ROR1: variants seen among roughly 807,000 people sequenced by gnomAD.
The protein encoded by ROR1 is ROR family WNT receptor 1.
In ROR1, 19 loss-of-function variants were observed where a neutral mutation model predicts 78.8. That is an observed-to-expected ratio of 0.24 (90% confidence interval 0.17 to 0.35). The LOEUF (loss-of-function observed/expected upper bound fraction) is 0.35, where lower values mean the gene tolerates loss of function less well. Among genes scored for constraint, ROR1 ranks in the 10% least tolerant of loss-of-function variants. The pLI is 1.00. For missense variants in ROR1, 917 were observed against 1,177.8 expected (o/e 0.78, Z 3.24); for synonymous variants, 386 against 433.6 (o/e 0.89, Z 1.36).
At chr1:63,801,364 G>A (rs1284597424) in intron 1 of ROR1, among the ~76,000 whole-genome samples, 4 of 151,862 alleles carry the variant, frequency 2.6e-5, no homozygotes, top group Non-Finnish European at 4.4e-5. Flanking sequence ...GCATGATCTC[G>A]GCTTACTGCA....
chr1:63,776,649 G>A (rs1343797091), intron 1 of ROR1, among the ~76,000 whole-genome samples: 4 of 152,202 alleles, frequency 2.6e-5, no homozygotes, highest in African/African-American at 9.6e-5. Context: ...GCCTGGTTTC[G>A]GGTCTGGTTC....
intron 1 of ROR1, among the ~76,000 whole-genome samples, chr1:63,849,299 G>A (rs1327729718): frequency 2.6e-5 from 4 of 152,224 alleles, no homozygotes; most frequent in Middle Eastern, 6.8e-3. Flanking sequence ...TTATTGATTT[G>A]TTCATTAATT....
chr1:63,857,669 T>G (rs1645157274), intron 1 of ROR1, among the ~76,000 whole-genome samples: 1 of 152,228 alleles, frequency 6.6e-6, no homozygotes, highest in African/African-American at 2.4e-5. Context: ...TCTTATCAAC[T>G]GGAGACAATT....
At chr1:64,117,512 T>G (rs912213448) in intron 4 of ROR1, among the ~76,000 whole-genome samples, 7 of 152,212 alleles carry the variant, frequency 4.6e-5, no homozygotes, top group African/African-American at 1.7e-4. Context: ...GTAAGAAGTT[T>G]GATCTGCCAG....
chr1:63,799,854 G>A (rs1259248587), intron 1 of ROR1, among the ~76,000 whole-genome samples: 3 of 152,180 alleles, frequency 2.0e-5, no homozygotes, highest in Non-Finnish European at 4.4e-5. Context: ...GAAAGCTCAA[G>A]TTTTTATGGC....
intron 1 of ROR1, among the ~76,000 whole-genome samples, chr1:63,865,050 C>T (rs973282851): frequency 1.3e-5 from 2 of 152,060 alleles, no homozygotes. Context: ...AACATAAAAA[C>T]GAAGTGTTAA....
intron 1 of ROR1, among the ~76,000 whole-genome samples, chr1:63,957,598 A>T (rs1423350801): frequency 6.6e-6 from 1 of 152,154 alleles, no homozygotes; most frequent in African/African-American, 2.4e-5. Context: ...CATGGGTTGC[A>T]TATCTTCAAA....
chr1:63,973,185 A>G (rs1184936742), intron 1 of ROR1, among the ~76,000 whole-genome samples: 1 of 152,138 alleles, frequency 6.6e-6, no homozygotes, highest in Non-Finnish European at 1.5e-5. Context: ...AGGGGTGGTG[A>G]CTGCCCTGTC....
intron 1 of ROR1, among the ~76,000 whole-genome samples, chr1:63,986,507 G>A (rs1053247656): frequency 8.5e-5 from 13 of 152,174 alleles, no homozygotes; most frequent in Non-Finnish European, 1.9e-4. Flanking sequence ...TTATGGGAAA[G>A]GAGGTTGTAA....
intron 4 of ROR1, among the ~76,000 whole-genome samples, chr1:64,075,758 G>C (rs1647046013): frequency 6.6e-6 from 1 of 152,144 alleles, no homozygotes; most frequent in Non-Finnish European, 1.5e-5. Context: ...ACATGTATAA[G>C]TAATGCTACA....
intron 2 of ROR1, among the ~76,000 whole-genome samples, chr1:64,037,191 G>T (rs1646709217): frequency 6.6e-6 from 1 of 152,202 alleles, no homozygotes; most frequent in Non-Finnish European, 1.5e-5. Flanking sequence ...CAGAGGTCCT[G>T]CCAGGTGCAA....
At chr1:63,953,871 G>A (rs1324514894) in intron 1 of ROR1, among the ~76,000 whole-genome samples, 1 of 152,216 alleles carries the variant, frequency 6.6e-6, no homozygotes, top group Non-Finnish European at 1.5e-5. Context: ...GTCTTCAGCA[G>A]AGAAAATGTG....
chr1:63,895,730 G>A (rs1428122418), intron 1 of ROR1, among the ~76,000 whole-genome samples: 2 of 152,096 alleles, frequency 1.3e-5, no homozygotes, highest in African/African-American at 4.8e-5. Flanking sequence ...CATTAACCGT[G>A]AACATTTACC....
intron 2 of ROR1, among the ~76,000 whole-genome samples, chr1:64,023,544 A>G (rs1406585474): frequency 6.6e-6 from 1 of 152,136 alleles, no homozygotes; most frequent in Non-Finnish European, 1.5e-5. Flanking sequence ...AACAAAACAA[A>G]ACAAAACAAA....
chr1:63,842,775 G>A (rs773808744), intron 1 of ROR1, among the ~76,000 whole-genome samples: 1 of 152,034 alleles, frequency 6.6e-6, no homozygotes, highest in Non-Finnish European at 1.5e-5. Context: ...AGCACAGGGA[G>A]GGGTCATCTC....
chr1:63,909,014 G>A (rs551243215), intron 1 of ROR1, among the ~76,000 whole-genome samples: 1 of 152,320 alleles, frequency 6.6e-6, no homozygotes, highest in South Asian at 2.1e-4. Context: ...AGACTGTTCT[G>A]ACCCATATGT....
intron 1 of ROR1, among the ~76,000 whole-genome samples, chr1:63,963,240 T>C (rs1216113251): frequency 2.6e-5 from 4 of 152,014 alleles, no homozygotes; most frequent in African/African-American, 9.7e-5. Context: ...AAGAGTGCTA[T>C]TTTTTTTCTC....
At chr1:63,901,386 A>G (rs1266771273) in intron 1 of ROR1, among the ~76,000 whole-genome samples, 1 of 152,160 alleles carries the variant, frequency 6.6e-6, no homozygotes, top group Non-Finnish European at 1.5e-5. Context: ...CATTATCCCC[A>G]GTTTACACAC....
At chr1:63,821,866 C>T (rs1205082053) in intron 1 of ROR1, among the ~76,000 whole-genome samples, 1 of 152,160 alleles carries the variant, frequency 6.6e-6, no homozygotes, top group Non-Finnish European at 1.5e-5. Flanking sequence ...TGACAGCTCC[C>T]CCTTCTCCTC....
Sources: gnomAD v4.1 joint callset for allele counts (sites outside exome capture counted in the v4.1 genomes callset) on GRCh38, gnomAD v4.1.1 for gene constraint, MANE v1.5 for transcripts, NCBI Gene and HGNC (gene_info 2026-07-23, HGNC 2026-07-21) for gene names.